Variants in CNTNAP2 observed in about 807,000 individuals in gnomAD.
The protein encoded by CNTNAP2 is contactin-associated protein-like 2.
In CNTNAP2, 98 loss-of-function variants were observed where a neutral mutation model predicts 155.2. The observed-to-expected ratio is 0.63, with a 90% CI of 0.54 to 0.75. The LOEUF (loss-of-function observed/expected upper bound fraction) is 0.75. Ranked by LOEUF, CNTNAP2 falls within the 30% of genes least tolerant of loss-of-function variation. CNTNAP2 has a pLI of 0.00. For missense variants in CNTNAP2, 1,727 were observed against 1,688.1 expected (o/e 1.02, Z -0.40); for synonymous variants, 651 against 631.2 (o/e 1.03, Z -0.47).
chr7:147,727,590 T>G (rs573978364), intron 13 of CNTNAP2, among the ~76,000 whole-genome samples: 22 of 151,976 alleles, frequency 1.4e-4, no homozygotes, highest in Non-Finnish European at 1.9e-4. Flanking sequence ...CCCATCATAT[T>G]TTATTTAACA....
At position 148,084,010 on chromosome 7, in the gene CNTNAP2, G is replaced by C. The variant is rs74889716; in HGVS notation, c.2384-34108G>C. On this transcript the variant is annotated intron_variant, in intron 15 of 23. Coordinates refer to ENST00000361727, the MANE Select transcript of CNTNAP2 (RefSeq NM_014141.6). ...ACCATAGATGTAGTATCACAGATCC[G>C]TCTGTTTCCAAAATGTTACATTCTG... Among the ~76,000 whole-genome samples, 13 of 152,242 alleles carry C rather than the reference G, an allele frequency of 8.5e-5. No homozygotes were observed. The East Asian group carries it at 2.5e-3, about 29-fold the overall frequency.
At chr7:146,773,707 C>T (rs1262805070) in intron 1 of CNTNAP2, among the ~76,000 whole-genome samples, 1 of 152,150 alleles carries the variant, frequency 6.6e-6, no homozygotes, top group Non-Finnish European at 1.5e-5. Flanking sequence ...TTTTTCTATT[C>T]TAGTGAGAAC....
intron 4 of CNTNAP2, among the ~76,000 whole-genome samples, chr7:147,073,410 T>C (rs1799936613): frequency 6.6e-6 from 1 of 152,092 alleles, no homozygotes; most frequent in African/African-American, 2.4e-5. Context: ...GAAGTGCCTT[T>C]ACGGCATCTA....
Position 147,618,738 on chromosome 7 carries a change from C to T in CNTNAP2, c.1898-20368C>T, listed in dbSNP as rs184560610. On this transcript the variant is annotated intron_variant, in intron 12 of 23. Coordinates refer to ENST00000361727, the MANE Select transcript of CNTNAP2 (RefSeq NM_014141.6). ...ACACACACACACACACACACTTATA[C>T]GATTAAGAAACTGGTTACATTCTGG... is the stretch of plus-strand genomic sequence containing the variant. Among the ~76,000 whole-genome samples the T allele has an allele frequency of 4.9e-4, 74 of 150,028 alleles. 1 individual carries two copies. The highest frequency in any genetic ancestry group is 1.7e-3 in the African/African-American group (67 of 40,160).
chr7:146,905,962 G>A (rs1022475850), intron 3 of CNTNAP2, among the ~76,000 whole-genome samples: 24 of 152,338 alleles, frequency 1.6e-4, no homozygotes, highest in East Asian at 1.5e-3. Flanking sequence ...TGCGCGAGCC[G>A]AAGCAGGGCG....
In CNTNAP2 at chr7:147,638,705, G is replaced by A. The variant is rs549234136; in HGVS notation, c.1898-401G>A. The stretch of plus-strand genomic sequence containing the variant: ...TAGGAAGACTCAGAGGCTTGAAAGA[G>A]AGCATAGTTCATTTAGGAAAGAGAA... On this transcript the variant is annotated intron_variant, in intron 12 of 23. Transcript: ENST00000361727. 2.1e-4 allele frequency: 81 copies of A among 381,052 alleles called. No individual in the cohort carries two copies. In the Middle Eastern group the frequency reaches 5.2e-3, roughly 24 times the overall value. 23.6% of individuals were successfully genotyped at this position (381,052 alleles called of 1,614,324 possible).
intron 1 of CNTNAP2, among the ~76,000 whole-genome samples, chr7:146,371,163 A>T (rs559970233): frequency 6.6e-6 from 1 of 151,978 alleles, no homozygotes; most frequent in Non-Finnish European, 1.5e-5. Context: ...TCTGGTGTGC[A>T]TCTGCTATTT....
At chr7:146,943,321 G>A (rs1260642776) in intron 3 of CNTNAP2, among the ~76,000 whole-genome samples, 1 of 152,102 alleles carries the variant, frequency 6.6e-6, no homozygotes, top group Non-Finnish European at 1.5e-5. Flanking sequence ...GCGAAATCCT[G>A]TCTCTACTAA....
chr7:146,660,237 C>T (rs17170208), intron 1 of CNTNAP2, among the ~76,000 whole-genome samples: 3 of 151,858 alleles, frequency 2.0e-5, no homozygotes, highest in South Asian at 2.1e-4. Flanking sequence ...AGCAGTATGT[C>T]GATGATATCT....
At chr7:147,647,120 T>TG (rs1446956447) in intron 13 of CNTNAP2, among the ~76,000 whole-genome samples, 1 of 151,940 alleles carries the variant, frequency 6.6e-6, no homozygotes. Flanking sequence ...CCTGAGTAGC[T>TG]GGGACTACAG....
intron 1 of CNTNAP2, among the ~76,000 whole-genome samples, chr7:146,361,072 G>T (rs1424159542): frequency 6.6e-6 from 1 of 152,060 alleles, no homozygotes; most frequent in African/African-American, 2.4e-5. Flanking sequence ...AGGAATTCTG[G>T]GTTTTGAAAG....
At chr7:148,013,350 A>G (rs1231608249) in intron 15 of CNTNAP2, 2 of 152,234 alleles carry the variant, frequency 1.3e-5, no homozygotes, top group African/African-American at 4.8e-5. Context: ...CAAGAACTTA[A>G]GTAGACAGAG....
At chr7:146,398,184 C>CTT (rs34144986) in intron 1 of CNTNAP2, among the ~76,000 whole-genome samples, 30,260 of 106,792 alleles carry the variant, frequency 0.28, 4,685 homozygotes, top group Admixed American at 0.4. Flanking sequence ...CGGCCCCAAA[C>CTT]TTTTTTTTTT....
intron 20 of CNTNAP2, among the ~76,000 whole-genome samples, chr7:148,258,893 G>T (rs920919406): frequency 6.6e-6 from 1 of 151,798 alleles, no homozygotes; most frequent in Admixed American, 6.6e-5. Context: ...AAATTAGCCA[G>T]GCAGCCAGGC....
chr7:146,299,529 T>C (rs1398998222), intron 1 of CNTNAP2, among the ~76,000 whole-genome samples: 1 of 152,144 alleles, frequency 6.6e-6, no homozygotes, highest in African/African-American at 2.4e-5. Flanking sequence ...ACTAAAGGCA[T>C]GGGCCACCAT....
chr7:146,319,157 C>T (rs1210756806), intron 1 of CNTNAP2, among the ~76,000 whole-genome samples: 1 of 152,184 alleles, frequency 6.6e-6, no homozygotes, highest in Non-Finnish European at 1.5e-5. Flanking sequence ...CCCTCCTTAT[C>T]CTCTAGGTCA....
At chr7:147,524,800 A>G (rs1263142519) in intron 11 of CNTNAP2, among the ~76,000 whole-genome samples, 6 of 152,206 alleles carry the variant, frequency 3.9e-5, no homozygotes, top group Non-Finnish European at 8.8e-5. Context: ...AGAATGGAGT[A>G]AAAACAAAGG....
chr7:148,326,683 G>A (rs1340832354), intron 21 of CNTNAP2, among the ~76,000 whole-genome samples: 3 of 151,930 alleles, frequency 2.0e-5, no homozygotes, highest in Non-Finnish European at 2.9e-5. Context: ...TGGCCAACAC[G>A]GTGAAACCCC....
At chr7:147,007,514 T>C (rs930598103) in intron 3 of CNTNAP2, among the ~76,000 whole-genome samples, 2 of 152,118 alleles carry the variant, frequency 1.3e-5, no homozygotes, top group Admixed American at 1.3e-4. Flanking sequence ...TGTATAATTA[T>C]AGTTATATTA....
Sources: gnomAD v4.1 joint callset for allele counts (sites outside exome capture counted in the v4.1 genomes callset) on GRCh38, gnomAD v4.1.1 for gene constraint, MANE v1.5 for transcripts, NCBI Gene and HGNC (gene_info 2026-07-23, HGNC 2026-07-21) for gene names.